The following GPM6A variants were observed in gnomAD, a reference collection of about 807,000 sequenced individuals.
GPM6A encodes glycoprotein M6A, also known as neuronal membrane glycoprotein M6-a.
GPM6A carries 7 observed loss-of-function variants against 32.1 expected under a neutral mutation model. The observed-to-expected ratio is 0.22, with a 90% CI of 0.12 to 0.41. GPM6A has a LOEUF of 0.41. Ranked by LOEUF, GPM6A falls within the 10% of genes least tolerant of loss-of-function variation. GPM6A has a pLI of 1.00. For missense variants in GPM6A, 235 were observed against 347.2 expected (o/e 0.68, Z 2.57); for synonymous variants, 130 against 123.4 (o/e 1.05, Z -0.35).
chr4:175,869,437 A>C (rs772273954), intron 1 of GPM6A, among the ~76,000 whole-genome samples: 26 of 152,118 alleles, frequency 1.7e-4, no homozygotes, highest in Non-Finnish European at 1.5e-5. Flanking sequence ...ACTTACAGAT[A>C]TATCACATTT....
intron 2 of GPM6A, among the ~76,000 whole-genome samples, chr4:175,693,314 T>TA (rs201881254): frequency 0.047 from 6,992 of 148,732 alleles, 203 homozygotes; most frequent in Non-Finnish European, 0.062. Flanking sequence ...TATACATATA[T>TA]AAGTATATAT....
intron 1 of GPM6A, among the ~76,000 whole-genome samples, chr4:175,731,052 C>G (rs559803824): frequency 6.6e-6 from 1 of 152,128 alleles, no homozygotes; most frequent in Non-Finnish European, 1.5e-5. Flanking sequence ...GATTGCATCT[C>G]CATTGGCCCA....
chr4:175,750,363 T>C (rs1214241326), intron 1 of GPM6A, among the ~76,000 whole-genome samples: 1 of 152,078 alleles, frequency 6.6e-6, no homozygotes, highest in Non-Finnish European at 1.5e-5. Context: ...TGGCCCTAAG[T>C]GAGCCTATTT....
intron 1 of GPM6A, among the ~76,000 whole-genome samples, chr4:175,864,686 GT>G (rs1238079424): frequency 1.3e-5 from 2 of 152,006 alleles, no homozygotes; most frequent in African/African-American, 4.8e-5. Flanking sequence ...TTGTGTCTTT[GT>G]GGGGGCATAC....
At chr4:175,687,033 T>C (rs886147774) in intron 2 of GPM6A, among the ~76,000 whole-genome samples, 2 of 152,202 alleles carry the variant, frequency 1.3e-5, no homozygotes, top group Admixed American at 6.5e-5. Context: ...TGTATAGATA[T>C]ATTGAAGTTG....
intron 1 of GPM6A, among the ~76,000 whole-genome samples, chr4:175,839,126 A>C (rs1220738710): frequency 6.6e-6 from 1 of 152,200 alleles, no homozygotes; most frequent in Non-Finnish European, 1.5e-5. Context: ...GCCTATTTAA[A>C]AAGCCAGACT....
At chr4:175,989,738 C>T (rs1741081164) in intron 1 of GPM6A, among the ~76,000 whole-genome samples, 2 of 152,060 alleles carry the variant, frequency 1.3e-5, no homozygotes, top group South Asian at 2.1e-4. Context: ...AATCAGATCT[C>T]TTTAGGTCTT....
intron 1 of GPM6A, among the ~76,000 whole-genome samples, chr4:175,935,720 C>G (rs892871988): frequency 6.6e-5 from 10 of 151,926 alleles, no homozygotes; most frequent in African/African-American, 2.4e-4. Context: ...ATCAGTTCTC[C>G]CCTAGTTAAT....
intron 3 of GPM6A, among the ~76,000 whole-genome samples, chr4:175,661,206 A>G (rs761636760): frequency 1.3e-5 from 2 of 152,184 alleles, no homozygotes; most frequent in Non-Finnish European, 2.9e-5. Context: ...GAAGTGAGTG[A>G]TAACCAGTAT....
chr4:175,732,745 C>T (rs1005713137), intron 1 of GPM6A, among the ~76,000 whole-genome samples: 1 of 152,124 alleles, frequency 6.6e-6, no homozygotes, highest in African/African-American at 2.4e-5. Flanking sequence ...TCTTATGATA[C>T]TTCTTCATAC....
intron 1 of GPM6A, among the ~76,000 whole-genome samples, chr4:175,899,080 G>GT: frequency 6.6e-6 from 1 of 152,200 alleles, no homozygotes; most frequent in African/African-American, 2.4e-5. Context: ...TTCAGTCCAT[G>GT]TTTAGATGCC....
At chr4:175,672,945 G>C (rs1332296746) in intron 3 of GPM6A, among the ~76,000 whole-genome samples, 3 of 152,072 alleles carry the variant, frequency 2.0e-5, no homozygotes, top group African/African-American at 7.2e-5. Flanking sequence ...ATTTACATCA[G>C]TCCTTATTAG....
At chr4:175,882,097 T>C (rs911852947) in intron 1 of GPM6A, among the ~76,000 whole-genome samples, 1 of 152,088 alleles carries the variant, frequency 6.6e-6, no homozygotes, top group Non-Finnish European at 1.5e-5. Context: ...TGTTTGTCCA[T>C]AGTTTATTAT....
intron 1 of GPM6A, among the ~76,000 whole-genome samples, chr4:175,797,879 A>T (rs1490335764): frequency 6.6e-6 from 1 of 152,164 alleles, no homozygotes; most frequent in African/African-American, 2.4e-5. Context: ...TATATAAATT[A>T]TGAATCACAA....
At chr4:175,687,494 A>G (rs1035734655) in intron 2 of GPM6A, among the ~76,000 whole-genome samples, 1 of 151,820 alleles carries the variant, frequency 6.6e-6, no homozygotes, top group African/African-American at 2.4e-5. Flanking sequence ...TAGTATCACA[A>G]TGACAGGATT....
intron 1 of GPM6A, among the ~76,000 whole-genome samples, chr4:175,958,181 C>A (rs186606955): frequency 4.6e-5 from 7 of 152,344 alleles, no homozygotes; most frequent in Non-Finnish European, 8.8e-5. Context: ...GCGTGAGCCA[C>A]CATGCCCAGC....
At chr4:175,735,726 A>T (rs943775040) in intron 1 of GPM6A, among the ~76,000 whole-genome samples, 1 of 151,880 alleles carries the variant, frequency 6.6e-6, no homozygotes, top group African/African-American at 2.4e-5. Flanking sequence ...CGCCCAGCTA[A>T]TTTTTTTGTA....
intron 1 of GPM6A, among the ~76,000 whole-genome samples, chr4:175,756,214 C>G (rs1395175496): frequency 1.3e-5 from 2 of 151,898 alleles, no homozygotes; most frequent in Non-Finnish European, 2.9e-5. Context: ...TAGTAAGGAG[C>G]CACTGAAGGA....
At chr4:175,928,598 A>G (rs144196541) in intron 1 of GPM6A, among the ~76,000 whole-genome samples, 93 of 152,336 alleles carry the variant, frequency 6.1e-4, no homozygotes, top group Non-Finnish European at 1.2e-3. Context: ...TCAGAAAGAA[A>G]ATATTTACTG....
Sources: allele counts gnomAD v4.1 joint callset (sites outside exome capture counted in the v4.1 genomes callset), GRCh38; gene constraint gnomAD v4.1.1; transcripts MANE v1.5; gene names NCBI Gene and HGNC (gene_info 2026-07-23, HGNC 2026-07-21).